Variants in NR6A1 observed in about 807,000 individuals in gnomAD.
NR6A1 encodes nuclear receptor subfamily 6 group A member 1.
Under a neutral mutation model 59.1 loss-of-function variants are expected in NR6A1, and 7 were observed. The ratio of observed to expected loss-of-function variants is 0.12; its 90% CI spans 0.07 to 0.22. NR6A1 has a LOEUF of 0.22. NR6A1 is among the 10% of genes least tolerant of loss of function. The pLI is 1.00. For missense variants in NR6A1, 468 were observed against 611.6 expected, an observed-to-expected ratio of 0.77 and a Z score of 2.48; for synonymous variants, 243 against 236.1, an observed-to-expected ratio of 1.03 and a Z score of -0.27.
At position 124,520,903 on chromosome 9, in the gene NR6A1, C is replaced by T. The variant is rs537160909; in HGVS notation, c.*1802G>A. ...GAAACGGCATTGAGGAGTAATGTTC[C>T]GAGTTTTAGATCCATCAAGGGCCAA... is the stretch of plus-strand genomic sequence containing the variant. On this transcript the variant is annotated 3_prime_UTR_variant, in exon 10 of 10. Coordinates refer to ENST00000487099, the MANE Select transcript of NR6A1 (RefSeq NM_033334.4). 22 of 152,292 alleles carry T rather than the reference C, an allele frequency of 1.4e-4. No homozygotes were observed. The highest frequency in any genetic ancestry group is 4.6e-4 in the Admixed American group (7 of 15,300). The allele number at this position is 152,292 out of a possible 1,614,324, so 9.4% of individuals were successfully genotyped here.
chr9:124,768,283 A>C (rs1049137175), intron 1 of NR6A1, among the ~76,000 whole-genome samples: 1 of 152,232 alleles, frequency 6.6e-6, no homozygotes, highest in Non-Finnish European at 1.5e-5. Context: ...CACTAGGAGT[A>C]AAAAACAGAT....
rs112257579 is a variant in NR6A1, at chr9:124,701,135, G to A, written c.142+32173C>T. 4.7e-3 allele frequency among the ~76,000 whole-genome samples: 709 copies of A among 152,248 alleles called. 3 individuals carry two copies. Among genetic ancestry groups the A allele is most frequent in the African/African-American group, 0.016 (684 of 41,554 alleles). On this transcript the variant is annotated intron_variant, in intron 2 of 9. Coordinates refer to ENST00000487099, the MANE Select transcript of NR6A1 (RefSeq NM_033334.4). ...AGGAGTGGAATTGCTGGATCATATG[G>A]TAAGTTTAACTTTTTAATGAACTGC...
intron 1 of NR6A1, among the ~76,000 whole-genome samples, chr9:124,746,346 T>C (rs535214867): frequency 1.6e-4 from 25 of 152,348 alleles, no homozygotes; most frequent in African/African-American, 6.0e-4. Context: ...CCCAGCACTT[T>C]GGGAGGCCCA....
intron 6 of NR6A1, 36 bp downstream of exon 6, chr9:124,538,056 G>T (rs370650389): frequency 3.2e-6 from 5 of 1,554,910 alleles, no homozygotes; most frequent in South Asian, 1.2e-5. Context: ...GACACTTTGA[G>T]ACTGCAAGGG....
intron 2 of NR6A1, among the ~76,000 whole-genome samples, chr9:124,596,328 G>T (rs1263241929): frequency 6.6e-6 from 1 of 152,126 alleles, no homozygotes; most frequent in African/African-American, 2.4e-5. Context: ...GGGGCGTGCA[G>T]AAGTGGGATT....
rs1018855733 is a variant in NR6A1 at position 124,771,213 on chromosome 9, T to A, written c.-94A>T. On this transcript the variant is annotated 5_prime_UTR_variant, in exon 1 of 10. Transcript: ENST00000487099. ...GTCGTCCGCCGAGGGGAGGAGGTTGTCAGGAGCCCGCGAGCTCCCGGCCGC... is the reference window on the plus strand; with the variant it reads ...GTCGTCCGCCGAGGGGAGGAGGTTGACAGGAGCCCGCGAGCTCCCGGCCGC... The A allele has an allele frequency of 4.4e-5, 30 of 683,334 alleles. No individual in the cohort carries two copies. Among genetic ancestry groups the A allele is most frequent in the Non-Finnish European group, 5.8e-5 (28 of 486,826 alleles). The allele number at this position is 683,334 out of a possible 1,614,324, so 42.3% of individuals were successfully genotyped here.
At chr9:124,770,981 G>A (rs971424300) in intron 1 of NR6A1, 39 bp downstream of exon 1, 2 of 1,123,562 alleles carry the variant, frequency 1.8e-6, no homozygotes, top group African/African-American at 1.6e-5. Context: ...CAGGAAGCCG[G>A]TTCCTGCCTG....
chr9:124,669,102 A>T (rs1329515005), intron 2 of NR6A1, among the ~76,000 whole-genome samples: 1 of 152,236 alleles, frequency 6.6e-6, no homozygotes, highest in African/African-American at 2.4e-5. Context: ...AAGTAAAAAC[A>T]AATCAAAACA....
At chr9:124,755,570 T>C (rs1215675422) in intron 1 of NR6A1, among the ~76,000 whole-genome samples, 1 of 152,206 alleles carries the variant, frequency 6.6e-6, no homozygotes, top group African/African-American at 2.4e-5. Flanking sequence ...TCTGACCTAC[T>C]GACACATAAA....
At chr9:124,647,666 G>A (rs1217405329) in intron 2 of NR6A1, among the ~76,000 whole-genome samples, 3 of 149,158 alleles carry the variant, frequency 2.0e-5, no homozygotes, top group Non-Finnish European at 4.4e-5. Context: ...ATCGGAGGTT[G>A]CAGTGAGCCG....
rs1833214797 is a variant in NR6A1 at position 124,535,048 on chromosome 9, C to T, written c.1079+830G>A. 2.0e-5 allele frequency among the ~76,000 whole-genome samples: 3 copies of T among 151,920 alleles called. No homozygotes were observed. In the South Asian group the frequency reaches 6.2e-4, roughly 32 times the overall value. On this transcript the variant is annotated intron_variant, in intron 7 of 9. Coordinates refer to ENST00000487099, the MANE Select transcript of NR6A1 (RefSeq NM_033334.4). ...CTGAGGCAGGGGAATGGCATGAAAC[C>T]GGGAGGCGGAGCTTGCAGTGAGCCA...
Position 124,522,486 on chromosome 9 carries a change from A to C in NR6A1, c.*219T>G. The C allele has an allele frequency of 2.6e-6, 1 of 391,730 alleles. No homozygotes were observed. Among genetic ancestry groups the C allele is most frequent in the Non-Finnish European group, 4.8e-6 (1 of 209,222 alleles). The allele number at this position is 391,730 out of a possible 1,614,324, so 24.3% of individuals were successfully genotyped here. Reference sequence around the variant, plus strand: ...GCTGCATTCACACAAAAGCATGTGCATCATGTTGAAGGCCATACATTCAAC... The same window carrying C: ...GCTGCATTCACACAAAAGCATGTGCCTCATGTTGAAGGCCATACATTCAAC... On this transcript the variant is annotated 3_prime_UTR_variant, in exon 10 of 10. Coordinates refer to ENST00000487099, the MANE Select transcript of NR6A1 (RefSeq NM_033334.4).
chr9:124,703,002 G>A (rs1164283369), intron 2 of NR6A1, among the ~76,000 whole-genome samples: 2 of 151,564 alleles, frequency 1.3e-5, no homozygotes, highest in Non-Finnish European at 2.9e-5. Flanking sequence ...GGGCTCAAGC[G>A]ATTCTCCTGC....
chr9:124,691,366 A>C (rs1838539022), intron 2 of NR6A1, among the ~76,000 whole-genome samples: 1 of 152,208 alleles, frequency 6.6e-6, no homozygotes, highest in African/African-American at 2.4e-5. Flanking sequence ...ATTTGAGACC[A>C]GTCAGCCTTT....
At chr9:124,565,238 C>T (rs1366101335) in intron 2 of NR6A1, among the ~76,000 whole-genome samples, 4 of 152,054 alleles carry the variant, frequency 2.6e-5, no homozygotes, top group Admixed American at 6.6e-5. Flanking sequence ...ACCATCCTGG[C>T]TAACACGGTG....
chr9:124,679,316 C>T (rs1588774274), intron 2 of NR6A1, among the ~76,000 whole-genome samples: 1 of 152,126 alleles, frequency 6.6e-6, no homozygotes, highest in South Asian at 2.1e-4. Flanking sequence ...CTTATGGATG[C>T]TTTGTTCTCC....
chr9:124,756,959 GC>G (rs1326600900), intron 1 of NR6A1, among the ~76,000 whole-genome samples: 1 of 149,672 alleles, frequency 6.7e-6, no homozygotes, highest in East Asian at 2.0e-4. Flanking sequence ...GGATGAGGGT[GC>G]AGGGCAACAT....
chr9:124,758,398 T>C (rs979148749), intron 1 of NR6A1, among the ~76,000 whole-genome samples: 3 of 152,182 alleles, frequency 2.0e-5, no homozygotes, highest in African/African-American at 7.2e-5. Flanking sequence ...GCGCATTTAA[T>C]CTTAGGAAGA....
In NR6A1 at chr9:124,588,938, G is replaced by GA. The variant is rs1020296719; in HGVS notation, c.143-34369dup. ...CTGTCTCAAAAAAAAAAAAAAGAAA[G>GA]AAAAAAAAAACAGTATAATGTGATG... is the stretch of plus-strand genomic sequence containing the variant. On this transcript the variant is annotated intron_variant, in intron 2 of 9. Transcript: ENST00000487099. Among the ~76,000 whole-genome samples the GA allele has an allele frequency of 4.9e-4, 63 of 129,112 alleles. 1 individual carries two copies. The highest frequency in any genetic ancestry group is 6.9e-4 in the Non-Finnish European group (45 of 65,216). 84.7% of individuals were successfully genotyped at this position (129,112 alleles called of 152,430 possible). A position where few individuals can be genotyped will look rare whatever the true frequency, so the allele number is the denominator to read the frequency against.
Sources: allele counts gnomAD v4.1 joint callset (sites outside exome capture counted in the v4.1 genomes callset), GRCh38; gene constraint gnomAD v4.1.1; transcripts MANE v1.5; gene names NCBI Gene and HGNC (gene_info 2026-07-23, HGNC 2026-07-21).